The following SLC9D1 variants were observed in gnomAD, a reference collection of about 807,000 sequenced individuals.
The protein encoded by SLC9D1 is solute carrier family 9 member D1, also known as putative LAG1-interacting protein.
the SLC9D1 span, chr13:113,536,640 C>A: frequency 6.4e-6 from 6 of 943,020 alleles, no homozygotes; most frequent in African/African-American, 1.8e-5. Context: ...GGTTTTCTCG[C>A]TCTCTGGGCA....
the SLC9D1 span, chr13:113,528,800 A>C: frequency 6.6e-6 from 1 of 152,206 alleles, no homozygotes; most frequent in African/African-American, 2.4e-5. Context: ...ATATCAGAAA[A>C]ATAACGCTTT....
At chr13:113,509,400 G>A in the SLC9D1 span, among the ~76,000 whole-genome samples, 15 of 112,978 alleles carry the variant, frequency 1.3e-4, 1 homozygote, top group Admixed American at 2.5e-4. Flanking sequence ...GGAGCTGCCT[G>A]TCTATGTTGG....
the SLC9D1 span, chr13:113,520,867 A>G: frequency 1.5e-6 from 1 of 684,892 alleles, no homozygotes; most frequent in Non-Finnish European, 2.5e-6. Flanking sequence ...CCCTGGAGCA[A>G]CACTGCCTTG....
the SLC9D1 span, among the ~76,000 whole-genome samples, chr13:113,525,678 CTG>C: frequency 6.6e-6 from 1 of 151,234 alleles, no homozygotes; most frequent in African/African-American, 2.4e-5. Context: ...GACGACAGCT[CTG>C]TGCCTGTTAT....
chr13:113,520,516 ATAATTTGAGT>A, the SLC9D1 span: 1 of 816,698 alleles, frequency 1.2e-6, no homozygotes, highest in South Asian at 2.1e-5. Context: ...AAGTGCCAAA[ATAATTTGAGT>A]TATTTTGGAA....
the SLC9D1 span, chr13:113,534,048 TGTC>T: frequency 1.9e-5 from 31 of 1,590,996 alleles, no homozygotes; most frequent in Non-Finnish European, 2.3e-5. Context: ...TTCCCAGCAT[TGTC>T]GTGGAAGTTC....
chr13:113,495,750 C>T, the SLC9D1 span: 2 of 1,614,052 alleles, frequency 1.2e-6, no homozygotes, highest in South Asian at 1.1e-5. Flanking sequence ...CTGCAGGAAG[C>T]TCTCAGGGCT....
chr13:113,499,719 G>T, the SLC9D1 span, among the ~76,000 whole-genome samples: 2 of 152,184 alleles, frequency 1.3e-5, no homozygotes, highest in South Asian at 4.1e-4. Context: ...AATTAGAGGA[G>T]AACTCGTATT....
the SLC9D1 span, among the ~76,000 whole-genome samples, chr13:113,512,241 C>T: frequency 1.3e-3 from 170 of 129,458 alleles, 1 homozygote; most frequent in African/African-American, 4.8e-3. Flanking sequence ...TCGCGGGGGC[C>T]GGGACTGGAG....
At chr13:113,547,256 G>T in the SLC9D1 span, 2 of 1,428,632 alleles carry the variant, frequency 1.4e-6, no homozygotes, top group Admixed American at 1.7e-5. Flanking sequence ...TGCGCTGGGG[G>T]AGGCTGTCCT....
the SLC9D1 span, among the ~76,000 whole-genome samples, chr13:113,493,862 G>A: frequency 1.3e-5 from 2 of 152,178 alleles, no homozygotes; most frequent in Non-Finnish European, 2.9e-5. Flanking sequence ...AGCCTTCACC[G>A]AGTCATCTGG....
chr13:113,545,965 G>A, the SLC9D1 span: 2 of 152,302 alleles, frequency 1.3e-5, no homozygotes, highest in African/African-American at 4.8e-5. Context: ...GAAGCCAGTG[G>A]GGCTGGAGAT....
At chr13:113,549,269 G>T in the SLC9D1 span, among the ~76,000 whole-genome samples, 1 of 151,880 alleles carries the variant, frequency 6.6e-6, no homozygotes, top group African/African-American at 2.4e-5. Flanking sequence ...CCCCCGTGCA[G>T]GCATCCCTCC....
chr13:113,517,447 C>G, the SLC9D1 span, among the ~76,000 whole-genome samples: 1 of 152,112 alleles, frequency 6.6e-6, no homozygotes. Context: ...CCAGGATGGT[C>G]TCGATCTCCT....
chr13:113,502,934 G>A, the SLC9D1 span, among the ~76,000 whole-genome samples: 1,216 of 152,330 alleles, frequency 8.0e-3, 4 homozygotes, highest in Non-Finnish European at 0.014. Flanking sequence ...CCTGGGGAGC[G>A]GCTGGCCGGC....
At chr13:113,497,477 A>T in the SLC9D1 span, among the ~76,000 whole-genome samples, 1 of 144,054 alleles carries the variant, frequency 6.9e-6, no homozygotes, top group African/African-American at 2.7e-5. Context: ...CAGCTGTGTG[A>T]GACCTACAGC....
chr13:113,515,351 G>A, the SLC9D1 span, among the ~76,000 whole-genome samples: 147 of 152,316 alleles, frequency 9.7e-4, 1 homozygote, highest in African/African-American at 3.3e-3. Context: ...CATGTTTTAT[G>A]TGTTTAAAGT....
the SLC9D1 span, among the ~76,000 whole-genome samples, chr13:113,543,108 TGCCCCCAGCCCTCC>T: frequency 3.7e-5 from 2 of 53,832 alleles, no homozygotes; most frequent in African/African-American, 1.4e-4. Context: ...CTCCTCCCCC[TGCCCCCAGCCCTCC>T]CTGTCCGTGA....
At chr13:113,540,870 C>A in the SLC9D1 span, among the ~76,000 whole-genome samples, 1 of 152,192 alleles carries the variant, frequency 6.6e-6, no homozygotes, top group Non-Finnish European at 1.5e-5. Context: ...GTTTTTGTTA[C>A]ACCTTGACTT....
Sources: gnomAD v4.1 joint callset for allele counts (sites outside exome capture counted in the v4.1 genomes callset) on GRCh38, gnomAD v4.1.1 for gene constraint, MANE v1.5 for transcripts, NCBI Gene and HGNC (gene_info 2026-07-23, HGNC 2026-07-21) for gene names.